The following DHX57 variants were observed in gnomAD, a reference collection of about 807,000 sequenced individuals.
DHX57 encodes putative ATP-dependent RNA helicase DHX57.
In DHX57, 105 loss-of-function variants were observed where a neutral mutation model predicts 156.2. The ratio of observed to expected loss-of-function variants is 0.67; its 90% CI spans 0.57 to 0.79. The LOEUF (loss-of-function observed/expected upper bound fraction) is 0.79. Among genes scored for constraint, DHX57 ranks in the 30% least tolerant of loss-of-function variants. The pLI, the probability that DHX57 is intolerant of heterozygous loss-of-function variation, is 0.00. For missense variants in DHX57, 1,847 were observed against 1,661.9 expected (o/e 1.11, Z -1.94); for synonymous variants, 704 against 595.6 (o/e 1.18, Z -2.65).
rs533565495 is a variant in DHX57 at position 38,861,259 on chromosome 2, G to C, written c.1151C>G (p.Ala384Gly). Residue 384 changes from alanine to glycine, a missense_variant, in exon 5 of 24, where the codon GCT (alanine) becomes GGT (glycine). Physicochemically the swap from Ala to Gly is moderately conservative, Grantham distance 60. Transcript: ENST00000457308. ...AAACTCAGAAATATGTAAACGACAAGCCAGAGGTAGGTTCTCATTGGTGGA... is the reference window on the plus strand; with the variant it reads ...AAACTCAGAAATATGTAAACGACAACCCAGAGGTAGGTTCTCATTGGTGGA... ...FYSTNENLPLACRLHISEFLY... is the reference protein window; with the variant it reads ...FYSTNENLPLGCRLHISEFLY... The C allele has an allele frequency of 3.2e-5, 51 of 1,614,166 alleles. 1 individual carries two copies. In the South Asian group the frequency reaches 5.6e-4, roughly 18 times the overall value.
Position 38,868,265 on chromosome 2 carries a change from A to G in DHX57, c.141T>C (p.Gly47=). 6.2e-7 allele frequency: 1 copy of G among 1,613,430 alleles called. No homozygotes were observed. Among genetic ancestry groups the G allele is most frequent in the Non-Finnish European group, 8.5e-7 (1 of 1,179,882 alleles). ...GGGGGGGGGG[G]GGNRKASSRI... is the part of the protein sequence containing the mutation. Reference sequence around the variant, plus strand: ...TACTGGAGGCCTTTCTGTTGCCGCCACCTCCACCACCACCACCACCGCCAC... The same window carrying G: ...TACTGGAGGCCTTTCTGTTGCCGCCGCCTCCACCACCACCACCACCGCCAC... Residue 47 remains glycine (G), a synonymous_variant, in exon 2 of 24, where the codon GGT becomes GGC. Transcript: ENST00000457308.
chr2:38,874,769 G>T (rs1665530184), intron 1 of DHX57, among the ~76,000 whole-genome samples: 1 of 152,064 alleles, frequency 6.6e-6, no homozygotes, highest in African/African-American at 2.4e-5. Context: ...AGTGGAGCCG[G>T]GTAGTTCATA....
At position 38,861,326 on chromosome 2, in the gene DHX57, C is replaced by T. The variant is rs1192955126; in HGVS notation, c.1084G>A (p.Asp362Asn). Residue 362 changes from aspartate (D) to asparagine (N), a missense_variant, in exon 5 of 24, where the codon GAC becomes AAC. Physicochemically the swap from Asp to Asn is conservative, Grantham distance 23. Transcript: ENST00000457308. The part of the protein sequence containing the change: ...LYELEIRFSK[D>N]HKYPYQAPLV... ...GGAGCTTGGTAGGGATATTTGTGGT[C>T]TTTAGAAAATCGAATTTCAAGTTCA... 2.5e-6 allele frequency: 4 copies of T among 1,613,582 alleles called. No homozygotes were observed. The African/African-American group carries it at 5.3e-5, about 22-fold the overall frequency.
Position 38,856,342 on chromosome 2 carries a change from A to G in DHX57, c.1707T>C (p.Thr569=), listed in dbSNP as rs1327956187. The G allele has an allele frequency of 6.2e-7, 1 of 1,608,430 alleles. No homozygotes were observed. Among genetic ancestry groups the G allele is most frequent in the Non-Finnish European group, 8.5e-7 (1 of 1,178,548 alleles). The change falls in exon 7 of 24, where the codon ACT becomes ACC. Residue 569 remains threonine (T), a splice_region_variant and synonymous_variant. Coordinates refer to ENST00000457308, the MANE Select transcript of DHX57 (RefSeq NM_198963.3). ...AGATGAATAAACTGCATTCTTACCC[A>G]GTCATACCACTTATGACAACCACCT... ...KHQVVVISGM[T]GCGKTTQIPQ...
chr2:38,809,408 C>T (rs1021502200), intron 21 of DHX57, among the ~76,000 whole-genome samples: 2 of 151,864 alleles, frequency 1.3e-5, no homozygotes, highest in Non-Finnish European at 2.9e-5. Context: ...CCACTATGCC[C>T]AGCCCAGTTT....
At chr2:38,823,376 A>T (rs1670926277) in intron 16 of DHX57, 107 bp from the exon 17 acceptor site, 2 of 1,196,880 alleles carry the variant, frequency 1.7e-6, no homozygotes, top group Admixed American at 2.9e-5. Flanking sequence ...TAAATAAAAA[A>T]TTTTAAAATC....
chr2:38,839,845 A>C (rs1671888673), intron 12 of DHX57, among the ~76,000 whole-genome samples: 1 of 152,196 alleles, frequency 6.6e-6, no homozygotes, highest in South Asian at 2.1e-4. Context: ...AGAAAGGTGG[A>C]GCAGAATCAC....
intron 19 of DHX57, chr2:38,816,335 C>G (rs571994549): frequency 4.7e-6 from 2 of 428,230 alleles, no homozygotes; most frequent in East Asian, 1.4e-4. Flanking sequence ...TTGCCTTAAC[C>G]TCCCGAGTAG....
At chr2:38,813,062 G>T (rs1219211836) in intron 21 of DHX57, among the ~76,000 whole-genome samples, 2 of 151,050 alleles carry the variant, frequency 1.3e-5, no homozygotes, top group Admixed American at 6.6e-5. Context: ...TAGCCAGGAG[G>T]GTCTTAAACT....
chr2:38,850,673 A>G (rs1672538804), intron 9 of DHX57, among the ~76,000 whole-genome samples: 1 of 111,734 alleles, frequency 8.9e-6, no homozygotes, highest in Non-Finnish European at 1.9e-5. Context: ...TACATTTATG[A>G]CTATTTTTGT....
chr2:38,802,849 G>C lies in DHX57; in HGVS notation c.3883C>G (p.Arg1295Gly). Residue 1295 changes from arginine to glycine, a missense_variant, in exon 23 of 24, where the codon CGA (arginine) becomes GGA (glycine). Physicochemically the swap from Arg to Gly is moderately radical, Grantham distance 125. Transcript: ENST00000457308. Reference sequence around the variant, plus strand: ...TACACAGACACCATGCTGCAGTCTCGGATGAATACTCGACTAGTTTTTATC... The same window carrying C: ...TACACAGACACCATGCTGCAGTCTCCGATGAATACTCGACTAGTTTTTATC... Reference protein sequence around the residue: ...EKIKTSRVFIRDCSMVSVYPL... With the variant: ...EKIKTSRVFIGDCSMVSVYPL... 1.2e-6 allele frequency: 2 copies of C among 1,614,054 alleles called. No homozygotes were observed. The highest frequency in any genetic ancestry group is 8.5e-7 in the Non-Finnish European group (1 of 1,180,014).
In DHX57 at chr2:38,806,484, G is replaced by A. The variant is rs1233360959; in HGVS notation, c.3816+75C>T. ...GGGACAGCAAGTGATAGAACATGGT[G>A]TGGCTGAATTTAAGGAATTGCATTT... is the stretch of plus-strand genomic sequence containing the variant. On this transcript the variant is annotated intron_variant, in intron 22 of 23. Coordinates refer to ENST00000457308, the MANE Select transcript of DHX57 (RefSeq NM_198963.3). 10 of 1,532,958 alleles carry A rather than the reference G, an allele frequency of 6.5e-6. No individual in the cohort carries two copies. In the East Asian group the frequency reaches 1.6e-4, roughly 25 times the overall value. The allele number at this position is 1,532,958 out of a possible 1,614,324, so 95.0% of individuals were successfully genotyped here. A position where few individuals can be genotyped will look rare whatever the true frequency, so the allele number is the denominator to read the frequency against.
chr2:38,845,083 G>C (rs1318497316), intron 11 of DHX57, among the ~76,000 whole-genome samples: 1 of 152,062 alleles, frequency 6.6e-6, no homozygotes, highest in East Asian at 1.9e-4. Context: ...TGTAGTCCCA[G>C]CTACTTAGTA....
intron 19 of DHX57, 143 bp downstream of exon 19, chr2:38,818,734 C>A (rs945075850): frequency 1.2e-6 from 1 of 851,472 alleles, no homozygotes; most frequent in Admixed American, 2.5e-5. Flanking sequence ...TGCGGGAGTC[C>A]ATTTTACACG....
chr2:38,868,078 G>C, intron 2 of DHX57, 104 bp downstream of exon 2: 1 of 1,406,016 alleles, frequency 7.1e-7, no homozygotes, highest in Non-Finnish European at 9.7e-7. Context: ...AAGACAATTT[G>C]ACCAGAATTA....
At chr2:38,809,924 T>C (rs1476862749) in intron 21 of DHX57, among the ~76,000 whole-genome samples, 2 of 152,078 alleles carry the variant, frequency 1.3e-5, no homozygotes, top group Non-Finnish European at 2.9e-5. Flanking sequence ...GACGGAGTCA[T>C]GTTCTGTAGC....
At chr2:38,806,766 A>C (rs1052197144) in intron 21 of DHX57, 73 bp from the exon 22 acceptor site, 55 of 1,455,444 alleles carry the variant, frequency 3.8e-5, no homozygotes, top group Non-Finnish European at 4.8e-5. Context: ...TTGGCACAAA[A>C]GCACAAAACC....
intron 13 of DHX57, among the ~76,000 whole-genome samples, chr2:38,836,076 C>A (rs1440034239): frequency 6.6e-6 from 1 of 152,204 alleles, no homozygotes; most frequent in African/African-American, 2.4e-5. Flanking sequence ...ATTAGACAGT[C>A]TGGCAGAAAG....
chr2:38,813,131 C>T (rs1670356557), intron 21 of DHX57, among the ~76,000 whole-genome samples: 1 of 152,096 alleles, frequency 6.6e-6, no homozygotes, highest in Non-Finnish European at 1.5e-5. Context: ...CAGGCGTGAG[C>T]CACCATGCCT....
Sources: allele counts gnomAD v4.1 joint callset (sites outside exome capture counted in the v4.1 genomes callset), GRCh38; gene constraint gnomAD v4.1.1; transcripts MANE v1.5; gene names NCBI Gene and HGNC (gene_info 2026-07-23, HGNC 2026-07-21).